TDRP: variants seen among roughly 807,000 people sequenced by gnomAD.
TDRP encodes testis development related protein.
A neutral mutation model predicts 10.5 loss-of-function variants in TDRP; 12 were observed. The ratio of observed to expected loss-of-function variants is 1.15; its 90% CI spans 0.73 to 1.86. The LOEUF is 1.86. Among genes scored for constraint, TDRP ranks in the 40% most tolerant of loss-of-function variants. TDRP has a pLI of 0.00. For missense variants in TDRP, 353 were observed against 229.2 expected (o/e 1.54, Z -3.49); for synonymous variants, 139 against 95.4 (o/e 1.46, Z -2.67).
At chr8:535,519 A>G (rs978492006) in intron 1 of TDRP, among the ~76,000 whole-genome samples, 1 of 152,020 alleles carries the variant, frequency 6.6e-6, no homozygotes, top group African/African-American at 2.4e-5. Context: ...ATCTTGACTC[A>G]CTCTGAAATA....
Position 492,073 on chromosome 8 carries a change from A to C in TDRP, c.*326T>G. 1 of 1,157,652 alleles carries C rather than the reference A, an allele frequency of 8.6e-7. No homozygotes were observed. Among genetic ancestry groups the C allele is most frequent in the Non-Finnish European group, 1.1e-6 (1 of 941,574 alleles). 71.7% of individuals were successfully genotyped at this position (1,157,652 alleles called of 1,614,324 possible). ...AAACAGAACTACAACACAGAGCAGC[A>C]TGAAAATCATTTTGTGAGAAACTGC... On this transcript the variant is annotated 3_prime_UTR_variant, in exon 3 of 3. Coordinates refer to ENST00000324079, the MANE Select transcript of TDRP (RefSeq NM_001384899.1).
intron 1 of TDRP, among the ~76,000 whole-genome samples, chr8:519,373 C>CAGAG (rs1057372538): frequency 6.6e-6 from 1 of 152,076 alleles, no homozygotes; most frequent in Non-Finnish European, 1.5e-5. Context: ...TTGGACATGA[C>CAGAG]AGAGAGTCAT....
At chr8:537,717 C>T (rs1389102576) in intron 1 of TDRP, among the ~76,000 whole-genome samples, 1 of 152,192 alleles carries the variant, frequency 6.6e-6, no homozygotes, top group African/African-American at 2.4e-5. Context: ...AGTCTCACAA[C>T]TACCTGAAAC....
chr8:506,682 G>A (rs566428009), intron 1 of TDRP, among the ~76,000 whole-genome samples: 4 of 152,290 alleles, frequency 2.6e-5, no homozygotes, highest in Admixed American at 6.5e-5. Context: ...ACTGTCACTC[G>A]GAGAGCAGCT....
rs138827283 is a variant in TDRP at position 522,521 on chromosome 8, G to A, written c.108+22129C>T. Among the ~76,000 whole-genome samples, 44 of 152,282 alleles carry A rather than the reference G, an allele frequency of 2.9e-4. 2 individuals are homozygous for A. The highest frequency in any genetic ancestry group is 4.1e-4 in the South Asian group (2 of 4,820). On this transcript the variant is annotated intron_variant, in intron 1 of 2. Coordinates refer to ENST00000324079, the MANE Select transcript of TDRP (RefSeq NM_001384899.1). ...CAGATAATCTCAAGTCGTAAAACAT[G>A]TTGTTCCTTGAAAAGTAAGAAATAA... is the stretch of plus-strand genomic sequence containing the variant.
At chr8:545,415 C>T (rs566938441), upstream of TDRP, among the ~76,000 whole-genome samples, 26 of 149,002 alleles carry the variant, frequency 1.7e-4, no homozygotes, top group Non-Finnish European at 2.5e-4. Context: ...TCCTTCTCCC[C>T]CGCCGACCCC....
Position 544,715 on chromosome 8 carries a change from G to A in TDRP, c.43C>T (p.Pro15Ser). Residue 15 changes from proline to serine, a missense_variant, in exon 1 of 3, where the codon CCC (proline) becomes TCC (serine). Coordinates refer to ENST00000324079, the MANE Select transcript of TDRP (RefSeq NM_001384899.1). ...GRGRVLLDEP[P>S]EEEDGLRGGP... ...CCACGCAGGCCGTCCTCCTCCTCGGGGGGCTCGTCCAGCAGCACTCGGCCC... is the reference window on the plus strand; with the variant it reads ...CCACGCAGGCCGTCCTCCTCCTCGGAGGGCTCGTCCAGCAGCACTCGGCCC... The A allele has an allele frequency of 1.6e-6, 2 of 1,245,834 alleles. No individual in the cohort carries two copies. Among genetic ancestry groups the A allele is most frequent in the South Asian group, 3.7e-5 (1 of 26,818 alleles). The allele number at this position is 1,245,834 out of a possible 1,614,324, so 77.2% of individuals were successfully genotyped here. A position where few individuals can be genotyped will look rare whatever the true frequency, so the allele number is the denominator to read the frequency against.
intron 1 of TDRP, among the ~76,000 whole-genome samples, chr8:539,191 G>C (rs1383096266): frequency 1.3e-5 from 2 of 152,182 alleles, no homozygotes; most frequent in South Asian, 2.1e-4. Context: ...GTGCAGGTGG[G>C]TATGTAAGAG....
intron 1 of TDRP, among the ~76,000 whole-genome samples, chr8:503,654 T>C (rs1274196404): frequency 7.4e-6 from 1 of 134,772 alleles, no homozygotes; most frequent in Non-Finnish European, 1.5e-5. Flanking sequence ...CTGGAACCAA[T>C]GCCCACCTCA....
intron 1 of TDRP, among the ~76,000 whole-genome samples, chr8:534,307 T>G (rs1802287046): frequency 6.6e-6 from 1 of 152,244 alleles, no homozygotes; most frequent in South Asian, 2.1e-4. Flanking sequence ...TAGCAAATAC[T>G]AAATTATTGC....
Position 501,945 on chromosome 8 carries a change from G to C in TDRP, c.109-7348C>G, listed in dbSNP as rs181942227. Among the ~76,000 whole-genome samples, 3 of 152,330 alleles carry C rather than the reference G, an allele frequency of 2.0e-5. No individual in the cohort carries two copies. The East Asian group carries it at 5.8e-4, about 29-fold the overall frequency. ...AAAGCCCACCCCCAGAACAGTTCTG[G>C]ACAAAGGCTTAGCGCTGGCATTCAG... On this transcript the variant is annotated intron_variant, in intron 1 of 2. Coordinates refer to ENST00000324079, the MANE Select transcript of TDRP (RefSeq NM_001384899.1).
intron 1 of TDRP, 54 bp from the exon 2 acceptor site, chr8:494,651 C>A: frequency 6.8e-7 from 1 of 1,479,940 alleles, no homozygotes; most frequent in South Asian, 1.1e-5. Context: ...CAACAGAATT[C>A]CGCTTTCTAC....
intron 1 of TDRP, among the ~76,000 whole-genome samples, chr8:500,858 G>A (rs1018224904): frequency 1.3e-5 from 2 of 152,130 alleles, no homozygotes; most frequent in Non-Finnish European, 2.9e-5. Flanking sequence ...GGCAAGACCA[G>A]GAAGTGTTAC....
chr8:502,093 C>A (rs1030586863), intron 1 of TDRP, among the ~76,000 whole-genome samples: 1 of 152,224 alleles, frequency 6.6e-6, no homozygotes. Flanking sequence ...TTCCTGAATA[C>A]TGTGAAAATG....
At chr8:534,289 C>T (rs1423325442) in intron 1 of TDRP, among the ~76,000 whole-genome samples, 2 of 152,202 alleles carry the variant, frequency 1.3e-5, no homozygotes, top group Admixed American at 6.5e-5. Flanking sequence ...AAAGTTGCCA[C>T]AGTCAATTAG....
At chr8:499,370 G>T (rs899950303) in intron 1 of TDRP, among the ~76,000 whole-genome samples, 1 of 152,078 alleles carries the variant, frequency 6.6e-6, no homozygotes, top group Non-Finnish European at 1.5e-5. Context: ...ACACCACGCT[G>T]GGCTGGCAGT....
chr8:493,859 T>A (rs1020087728), intron 2 of TDRP, among the ~76,000 whole-genome samples: 1 of 152,172 alleles, frequency 6.6e-6, no homozygotes, highest in Non-Finnish European at 1.5e-5. Context: ...TTAAGGCTAA[T>A]AAGTTCAATT....
intron 1 of TDRP, among the ~76,000 whole-genome samples, chr8:544,098 G>C (rs1399049117): frequency 6.6e-6 from 1 of 152,150 alleles, no homozygotes; most frequent in Non-Finnish European, 1.5e-5. Context: ...GAAAAATCAA[G>C]AATTTAAGAA....
At position 491,754 on chromosome 8, in the gene TDRP, A is replaced by G; in HGVS notation, c.*645T>C. On this transcript the variant is annotated 3_prime_UTR_variant, in exon 3 of 3. Coordinates refer to ENST00000324079, the MANE Select transcript of TDRP (RefSeq NM_001384899.1). ...CAAAAGAGGTAAAAATAAAATTCCA[A>G]AAAAGAACCACTGTTACTATCCAGT... is the stretch of plus-strand genomic sequence containing the variant. The G allele has an allele frequency of 7.1e-7, 1 of 1,399,714 alleles. No homozygotes were observed. The highest frequency in any genetic ancestry group is 9.2e-7 in the Non-Finnish European group (1 of 1,086,532). The allele number at this position is 1,399,714 out of a possible 1,614,324, so 86.7% of individuals were successfully genotyped here.
Sources: gnomAD v4.1 joint callset for allele counts (sites outside exome capture counted in the v4.1 genomes callset) on GRCh38, gnomAD v4.1.1 for gene constraint, MANE v1.5 for transcripts, NCBI Gene and HGNC (gene_info 2026-07-23, HGNC 2026-07-21) for gene names.